CHD8: variants seen among roughly 807,000 people sequenced by gnomAD.
The protein encoded by CHD8 is chromodomain helicase DNA binding protein 8.
CHD8 carries 31 observed loss-of-function variants against 279.2 expected under a neutral mutation model. That is an observed-to-expected ratio of 0.11 (90% CI 0.08 to 0.15). CHD8 has a LOEUF of 0.15. Ranked by LOEUF, CHD8 falls within the 10% of genes least tolerant of loss-of-function variation. The pLI is 1.00. For synonymous variants in CHD8, 1,081 were observed against 1,139.6 expected (o/e 0.95, Z 1.04); for missense variants, 2,146 against 3,230.5 (o/e 0.66, Z 8.14).
At chr14:21,446,562 C>T (rs1215017062) in intron 1 of CHD8, among the ~76,000 whole-genome samples, 1 of 152,174 alleles carries the variant, frequency 6.6e-6, no homozygotes, top group African/African-American at 2.4e-5. Flanking sequence ...CGGCCTGCCT[C>T]AGATTCCCAA....
chr14:21,442,850 A>C (rs1318571874), intron 1 of CHD8, among the ~76,000 whole-genome samples: 1 of 150,136 alleles, frequency 6.7e-6, no homozygotes, highest in Admixed American at 6.7e-5. Context: ...AAGGAAAGAA[A>C]GGAAGAAAGA....
At chr14:21,447,373 CTTT>C (rs773145515) in intron 1 of CHD8, among the ~76,000 whole-genome samples, 23 of 141,214 alleles carry the variant, frequency 1.6e-4, no homozygotes, top group African/African-American at 2.6e-4. Context: ...CACTATATCC[CTTT>C]TTTTTTTTTT....
chr14:21,409,372 G>A (rs1888384124), intron 11 of CHD8, among the ~76,000 whole-genome samples: 1 of 152,124 alleles, frequency 6.6e-6, no homozygotes, highest in Non-Finnish European at 1.5e-5. Flanking sequence ...GAGAGGAGGA[G>A]ATTAAGGGGG....
In CHD8 at chr14:21,426,162, T is replaced by G; in HGVS notation, c.1682A>C (p.Gln561Pro). The G allele has an allele frequency of 1.2e-6, 2 of 1,611,328 alleles. No individual in the cohort carries two copies. ...DNSDVEVMPA[Q>P]SPREDEESSI... ...GCTTTCTTCATCTTCTCGAGGTGACTGTGCAGGCATGACTTCCACATCTGA... is the reference window on the plus strand; with the variant it reads ...GCTTTCTTCATCTTCTCGAGGTGACGGTGCAGGCATGACTTCCACATCTGA... Residue 561 changes from glutamine to proline, a missense_variant, in exon 5 of 38, where the codon CAG becomes CCG. Physicochemically the swap from Gln to Pro is moderately conservative, Grantham distance 76. Around this residue, in one of 26 missense-constraint regions of CHD8, gnomAD observed 123 missense variants for 169.2 expected, o/e 0.73. Coordinates refer to ENST00000646647, the MANE Select transcript of CHD8 (RefSeq NM_001170629.2).
chr14:21,390,005 CG>C lies in CHD8; in HGVS notation c.7182+941del, dbSNP rs1887455085. Among the ~76,000 whole-genome samples, 6 of 152,148 alleles carry C rather than the reference CG, an allele frequency of 3.9e-5. No homozygotes were observed. In the South Asian group the frequency reaches 1.2e-3, roughly 32 times the overall value. ...ATCCCAGTACTTCAGAAGGCCAAGG[CG>C]GGTGGATTACTTGAGGCCAGGAGTT... On this transcript the variant is annotated intron_variant, in intron 37 of 37. Coordinates refer to ENST00000646647, the MANE Select transcript of CHD8 (RefSeq NM_001170629.2).
intron 5 of CHD8, chr14:21,416,714 A>G (rs890661422): frequency 1.3e-5 from 2 of 152,242 alleles, no homozygotes; most frequent in African/African-American, 4.8e-5. Flanking sequence ...GAATGGTATA[A>G]AACTAATTTT....
chr14:21,415,821 C>T lies in CHD8; in HGVS notation c.1803G>A (p.Glu601=), dbSNP rs767865619. ...GTTTTATTGGACCAGTTACATCCAC[C>T]TCTTCTTCTTCTTCATCATCTGTGA... is the stretch of plus-strand genomic sequence containing the variant. ...IKITDDEEEE[E]VDVTGPIKPE... Residue 601 remains glutamate (E), a synonymous_variant, in exon 6 of 38, where the codon GAG becomes GAA. Coordinates refer to ENST00000646647, the MANE Select transcript of CHD8 (RefSeq NM_001170629.2). 11 of 1,613,600 alleles carry T rather than the reference C, an allele frequency of 6.8e-6. No individual in the cohort carries two copies. The highest frequency in any genetic ancestry group is 9.3e-6 in the Non-Finnish European group (11 of 1,179,668).
At chr14:21,455,910 G>C (rs1372970520) in intron 1 of CHD8, 122 bp downstream of exon 1, 1 of 153,758 alleles carries the variant, frequency 6.5e-6, no homozygotes, top group Non-Finnish European at 1.4e-5. Flanking sequence ...CCTCACAACT[G>C]GGGGGCGAGC....
rs1890356822 is a variant in CHD8, at chr14:21,455,260, A to G, written c.-216+772T>C. 3 of 152,220 alleles carry G rather than the reference A, an allele frequency of 2.0e-5. No individual in the cohort carries two copies. In the South Asian group the frequency reaches 6.2e-4, roughly 32 times the overall value. The allele number at this position is 152,220 out of a possible 1,614,324, so 9.4% of individuals were successfully genotyped here. A position where few individuals can be genotyped will look rare whatever the true frequency, so the allele number is the denominator to read the frequency against. On this transcript the variant is annotated intron_variant, in intron 1 of 37. Transcript: ENST00000646647. The stretch of plus-strand genomic sequence containing the variant: ...CTGTGAAGACCCTAACCGCTTCAAG[A>G]CTGTCCCTTAAAAAGCAAGAGGCTG...
chr14:21,395,891 C>T lies in CHD8; in HGVS notation c.5053G>A (p.Val1685Ile), dbSNP rs1185682792. 3 of 1,607,276 alleles carry T rather than the reference C, an allele frequency of 1.9e-6. No homozygotes were observed. Among genetic ancestry groups the T allele is most frequent in the East Asian group, 4.5e-5 (2 of 44,776 alleles). Residue 1685 changes from valine to isoleucine, a missense_variant and splice_region_variant, in exon 28 of 38, where the codon GTT (valine) becomes ATT (isoleucine). Transcript: ENST00000646647. ...LDNFSDIVEG[V>I]DFDKDCEDPE... ...TCTTCACAATCTTTATCAAAGTCAA[C>T]CCTAAAATTATGGAGAGGCACAAGA...
intron 5 of CHD8, among the ~76,000 whole-genome samples, chr14:21,418,658 AT>A (rs1469744762): frequency 2.0e-5 from 3 of 152,142 alleles, no homozygotes; most frequent in Non-Finnish European, 2.9e-5. Context: ...CACTAAAAAT[AT>A]AAAAAAATTA....
intron 1 of CHD8, among the ~76,000 whole-genome samples, chr14:21,446,819 T>A (rs1890134074): frequency 6.6e-6 from 1 of 152,188 alleles, no homozygotes; most frequent in African/African-American, 2.4e-5. Flanking sequence ...CCATTATAAA[T>A]TATCTTATAA....
Position 21,385,510 on chromosome 14 carries a change from A to C in CHD8, c.*103T>G. 2 of 1,407,378 alleles carry C rather than the reference A, an allele frequency of 1.4e-6. No individual in the cohort carries two copies. Among genetic ancestry groups the C allele is most frequent in the Non-Finnish European group, 1.8e-6 (2 of 1,081,580 alleles). 87.2% of individuals were successfully genotyped at this position (1,407,378 alleles called of 1,614,324 possible). ...TCCTTTTCACCTCCTGGAGTCCTGG[A>C]CTTCCCCACATCTCCCCTGCCCCTC... On this transcript the variant is annotated 3_prime_UTR_variant, in exon 38 of 38. Coordinates refer to ENST00000646647, the MANE Select transcript of CHD8 (RefSeq NM_001170629.2).
Position 21,408,899 on chromosome 14 carries a change from T to G in CHD8, c.2365-74A>C. 1.4e-6 allele frequency: 2 copies of G among 1,433,286 alleles called. No homozygotes were observed. The highest frequency in any genetic ancestry group is 2.9e-5 in the African/African-American group (2 of 69,860). 88.8% of individuals were successfully genotyped at this position (1,433,286 alleles called of 1,614,324 possible). A position where few individuals can be genotyped will look rare whatever the true frequency, so the allele number is the denominator to read the frequency against. ...GTAAGACTTACTAGGTAAGTTCTAA[T>G]AGTTAAAATCAATTCAAAACAACAT... On this transcript the variant is annotated intron_variant, in intron 11 of 37. Coordinates refer to ENST00000646647, the MANE Select transcript of CHD8 (RefSeq NM_001170629.2). The surrounding 1 kb of genome is among the most constrained non-coding windows in gnomAD (Gnocchi z 4.3).
At chr14:21,438,644 T>G (rs1173743423) in intron 1 of CHD8, among the ~76,000 whole-genome samples, 1 of 147,394 alleles carries the variant, frequency 6.8e-6, no homozygotes, top group African/African-American at 2.6e-5. Context: ...ACCATCCTGG[T>G]CAACATGGTG....
At chr14:21,401,259 T>C in intron 21 of CHD8, 144 bp downstream of exon 21, 2 of 743,470 alleles carry the variant, frequency 2.7e-6, no homozygotes, top group East Asian at 2.8e-5. Flanking sequence ...TGGGGCCTCC[T>C]AGGTAGAAAG....
chr14:21,449,565 A>G (rs1485405623), intron 1 of CHD8, among the ~76,000 whole-genome samples: 2 of 152,222 alleles, frequency 1.3e-5, no homozygotes, highest in Non-Finnish European at 2.9e-5. Flanking sequence ...GCAGGATGAA[A>G]GGACTCCAGT....
rs372717272 is a variant in CHD8 at position 21,408,818 on chromosome 14, G to A, written c.2372C>T (p.Pro791Leu). The change falls in exon 12 of 38, where the codon CCG becomes CTG. Residue 791 changes from proline to leucine, a missense_variant. Pro to Leu is a moderately conservative substitution (Grantham distance 98). Around this residue, in one of 26 missense-constraint regions of CHD8, gnomAD observed 211 missense variants for 464.7 expected, o/e 0.45. Transcript: ENST00000646647. This position sits in a 1 kb window ranked among gnomAD's most constrained non-coding sequence, Gnocchi z 4.3. ...CAATTTCTTCCAGGCACTTGCCTGC[G>A]GACGATTCTAAAAAACAAGACGTTT... is the stretch of plus-strand genomic sequence containing the variant. ...RHPELKRVNR[P>L]QASAWKKLEL... The A allele has an allele frequency of 2.9e-5, 46 of 1,606,582 alleles. No individual in the cohort carries two copies. The highest frequency in any genetic ancestry group is 3.4e-5 in the Non-Finnish European group (40 of 1,176,310).
chr14:21,452,236 G>T (rs1890274035), intron 1 of CHD8, among the ~76,000 whole-genome samples: 1 of 152,066 alleles, frequency 6.6e-6, no homozygotes, highest in Non-Finnish European at 1.5e-5. Flanking sequence ...TAGAGACGGG[G>T]TTTCACCATG....
Sources: gnomAD v4.1 joint callset for allele counts (sites outside exome capture counted in the v4.1 genomes callset) on GRCh38, gnomAD v4.1.1 for gene constraint, gnomAD v4.1.1 regional missense constraint, Gnocchi (gnomAD v3.1) non-coding constraint, MANE v1.5 for transcripts, NCBI Gene and HGNC (gene_info 2026-07-23, HGNC 2026-07-21) for gene names.